PRKCB: variants seen among roughly 807,000 people sequenced by gnomAD.
PRKCB encodes protein kinase C beta type.
Under a neutral mutation model 81.5 loss-of-function variants are expected in PRKCB, and 13 were observed. That is an observed-to-expected ratio of 0.16 (90% CI 0.10 to 0.25). The LOEUF is 0.25. Among genes scored for constraint, PRKCB ranks in the 10% least tolerant of loss-of-function variants. PRKCB has a pLI of 1.00. For synonymous variants in PRKCB, 335 were observed against 321.4 expected, an observed-to-expected ratio of 1.04 and a Z score of -0.45; for missense variants, 509 against 875.7, an observed-to-expected ratio of 0.58 and a Z score of 5.29.
intron 2 of PRKCB, among the ~76,000 whole-genome samples, chr16:23,979,369 T>G (rs1191520728): frequency 1.3e-5 from 2 of 152,074 alleles, no homozygotes; most frequent in Admixed American, 1.3e-4. Flanking sequence ...GTGCTGGGCA[T>G]TCACACGTAA....
intron 2 of PRKCB, among the ~76,000 whole-genome samples, chr16:23,875,495 A>ATTATG (rs1430053675): frequency 8.1e-6 from 1 of 123,276 alleles, no homozygotes; most frequent in Non-Finnish European, 1.8e-5. Flanking sequence ...ATATATATAT[A>ATTATG]TATATATATA....
intron 2 of PRKCB, among the ~76,000 whole-genome samples, chr16:23,925,515 A>G (rs1166655846): frequency 6.6e-6 from 1 of 152,080 alleles, no homozygotes; most frequent in Non-Finnish European, 1.5e-5. Flanking sequence ...CTGGGGATCC[A>G]AGGACTCCAT....
chr16:24,075,342 A>C (rs1317949213), intron 5 of PRKCB, among the ~76,000 whole-genome samples: 2 of 152,182 alleles, frequency 1.3e-5, no homozygotes, highest in Admixed American at 6.5e-5. Context: ...TAAGCCACTG[A>C]GTTGCAGCAG....
chr16:24,071,155 AG>A (rs1165794640), intron 5 of PRKCB, among the ~76,000 whole-genome samples: 19 of 152,248 alleles, frequency 1.2e-4, no homozygotes, highest in East Asian at 3.9e-4. Flanking sequence ...TTTCAGAGAT[AG>A]GGGAGGAGCT....
intron 2 of PRKCB, among the ~76,000 whole-genome samples, chr16:23,975,802 G>A (rs1224592429): frequency 6.6e-6 from 1 of 152,082 alleles, no homozygotes; most frequent in South Asian, 2.1e-4. Flanking sequence ...GGGCCCCCAC[G>A]GCCCACCCTT....
At chr16:23,876,929 C>A (rs1167646390) in intron 2 of PRKCB, among the ~76,000 whole-genome samples, 1 of 151,664 alleles carries the variant, frequency 6.6e-6, no homozygotes, top group Non-Finnish European at 1.5e-5. Context: ...CCTTTGGTTG[C>A]AAGTAACATA....
intron 2 of PRKCB, among the ~76,000 whole-genome samples, chr16:23,857,405 A>C (rs2049158916): frequency 6.6e-6 from 1 of 152,196 alleles, no homozygotes; most frequent in African/African-American, 2.4e-5. Context: ...AGCCGCCAGA[A>C]GATGTGGGAA....
intron 16 of PRKCB, among the ~76,000 whole-genome samples, chr16:24,206,364 T>A (rs1033712692): frequency 6.6e-6 from 1 of 152,170 alleles, no homozygotes; most frequent in African/African-American, 2.4e-5. Context: ...CGCTTGTCTT[T>A]TTGCCTAGGC....
intron 7 of PRKCB, chr16:24,099,578 G>A (rs963612483): frequency 3.9e-5 from 6 of 152,218 alleles, no homozygotes; most frequent in African/African-American, 1.4e-4. Flanking sequence ...GGGCCCAAAA[G>A]GCAGGATAGC....
At chr16:23,836,371 C>T (rs1309976307) in intron 1 of PRKCB, 23 bp downstream of exon 1, 2 of 1,591,624 alleles carry the variant, frequency 1.3e-6, no homozygotes, top group Middle Eastern at 2.2e-4. Context: ...GCGCAGGGCA[C>T]CTTCCCGGGC....
intron 3 of PRKCB, among the ~76,000 whole-genome samples, chr16:24,024,450 TTAAG>T (rs1965449709): frequency 6.6e-6 from 1 of 152,142 alleles, no homozygotes; most frequent in Non-Finnish European, 1.5e-5. Context: ...TTCAAAGTAA[TTAAG>T]AGAGTAAATT....
chr16:23,938,594 A>G (rs778513772), intron 2 of PRKCB, among the ~76,000 whole-genome samples: 30 of 152,238 alleles, frequency 2.0e-4, no homozygotes, highest in Non-Finnish European at 3.7e-4. Context: ...CTAGCATATA[A>G]ATGAAGACTG....
chr16:24,151,486 A>G (rs758990163), intron 9 of PRKCB, among the ~76,000 whole-genome samples: 2 of 152,240 alleles, frequency 1.3e-5, no homozygotes, highest in Admixed American at 1.3e-4. Flanking sequence ...ACGGATATGA[A>G]TGATTGAAGT....
At chr16:23,933,442 G>A (rs1475998114) in intron 2 of PRKCB, among the ~76,000 whole-genome samples, 1 of 152,164 alleles carries the variant, frequency 6.6e-6, no homozygotes, top group Non-Finnish European at 1.5e-5. Flanking sequence ...ATTCAAGCCA[G>A]AAGATTCTTA....
intron 3 of PRKCB, among the ~76,000 whole-genome samples, chr16:24,014,397 C>CA (rs958756176): frequency 5.3e-5 from 8 of 152,066 alleles, no homozygotes; most frequent in Non-Finnish European, 7.4e-5. Flanking sequence ...GCAATGAATG[C>CA]ACAACCCGGC....
chr16:23,857,218 A>T (rs1456161149), intron 2 of PRKCB, among the ~76,000 whole-genome samples: 1 of 152,168 alleles, frequency 6.6e-6, no homozygotes, highest in Non-Finnish European at 1.5e-5. Context: ...GCCTGGCCTG[A>T]CCTGTCACTC....
At chr16:24,129,516 C>T (rs968835171) in intron 9 of PRKCB, among the ~76,000 whole-genome samples, 2 of 136,364 alleles carry the variant, frequency 1.5e-5, no homozygotes, top group Non-Finnish European at 3.1e-5. Flanking sequence ...CTCTCATGCA[C>T]GTGCATCTAT....
rs1555498951 is a variant in PRKCB, at chr16:24,136,096, G to GGT, written c.1065+12115_1065+12116insGT. Among the ~76,000 whole-genome samples the GGT allele has an allele frequency of 1.0e-3, 118 of 118,086 alleles. 5 individuals carry two copies. The highest frequency in any genetic ancestry group is 3.2e-3 in the African/African-American group (85 of 26,606). 77.5% of individuals were successfully genotyped at this position (118,086 alleles called of 152,430 possible). Reference sequence around the variant, plus strand: ...TCATATGCAATTCTGATTGCAGCGTGTTTTTTTTTTTTTTTTTGCCAACTC... The same window carrying GGT: ...TCATATGCAATTCTGATTGCAGCGTGGTTTTTTTTTTTTTTTTTTGCCAACTC... On this transcript the variant is annotated intron_variant, in intron 9 of 16. Transcript: ENST00000643927.
At chr16:23,979,493 G>A (rs565823917) in intron 2 of PRKCB, among the ~76,000 whole-genome samples, 5 of 152,330 alleles carry the variant, frequency 3.3e-5, no homozygotes, top group Admixed American at 3.3e-4. Context: ...TGCAATCTCT[G>A]TGGACACCAG....
Sources: gnomAD v4.1 joint callset for allele counts (sites outside exome capture counted in the v4.1 genomes callset) on GRCh38, gnomAD v4.1.1 for gene constraint, MANE v1.5 for transcripts, NCBI Gene and HGNC (gene_info 2026-07-23, HGNC 2026-07-21) for gene names.